The following CD274 variants were observed in gnomAD, a reference collection of about 807,000 sequenced individuals.
CD274 encodes CD274 molecule.
CD274 carries 8 observed loss-of-function variants against 30.1 expected under a neutral mutation model. The observed-to-expected ratio is 0.27, with a 90% CI of 0.16 to 0.48. CD274 has a LOEUF of 0.48. Among genes scored for constraint, CD274 ranks in the 20% least tolerant of loss-of-function variants. CD274 has a pLI of 0.99. For synonymous variants in CD274, 152 were observed against 124.6 expected (o/e 1.22, Z -1.46); for missense variants, 353 against 346.6 (o/e 1.02, Z -0.15).
chr9:5,450,969 A>T (rs532929011), intron 1 of CD274, among the ~76,000 whole-genome samples: 1 of 152,304 alleles, frequency 6.6e-6, no homozygotes, highest in South Asian at 2.1e-4. Context: ...GCTTGCTAGT[A>T]ACATGACTTG....
In CD274 at chr9:5,466,813, C is replaced by T; in HGVS notation, c.834C>T (p.Asn278=). 1.2e-6 allele frequency: 2 copies of T among 1,609,170 alleles called. No homozygotes were observed. Among genetic ancestry groups the T allele is most frequent in the African/African-American group, 1.3e-5 (1 of 74,330 alleles). The part of the protein sequence containing the change: ...DVKKCGIQDT[N]SKKQSDTHLE... The stretch of plus-strand genomic sequence containing the variant: ...AAAAATGTGGCATCCAAGATACAAA[C>T]TCAAAGAAGCAAAGTGGTAAGAATA... The change falls in exon 6 of 7, where the codon AAC becomes AAT. Residue 278 remains asparagine (N), a synonymous_variant. Transcript: ENST00000381577.
At chr9:5,462,763 G>A (rs2131222380) in intron 3 of CD274, 71 bp from the exon 4 acceptor site, 2 of 1,386,124 alleles carry the variant, frequency 1.4e-6, no homozygotes, top group East Asian at 2.3e-5. Context: ...TTTCTAATGT[G>A]GACAGCATCA....
Position 5,466,785 on chromosome 9 carries a change from T to G in CD274, c.806T>G (p.Val269Gly). ...FRLRKGRMMD[V>G]KKCGIQDTNS... ...TTTTCTCAAGGGAGAATGATGGATG[T>G]GAAAAAATGTGGCATCCAAGATACA... The change falls in exon 6 of 7, where the codon GTG (valine) becomes GGG (glycine). Residue 269 changes from valine (V) to glycine (G), a missense_variant. Physicochemically the swap from Val to Gly is moderately radical, Grantham distance 109 (BLOSUM62 -3). Transcript: ENST00000381577. The G allele has an allele frequency of 6.2e-7, 1 of 1,610,324 alleles. No homozygotes were observed. Among genetic ancestry groups the G allele is most frequent in the Non-Finnish European group, 8.5e-7 (1 of 1,178,228 alleles).
intron 3 of CD274, among the ~76,000 whole-genome samples, chr9:5,459,847 T>C (rs1463942742): frequency 6.6e-6 from 1 of 152,146 alleles, no homozygotes; most frequent in East Asian, 1.9e-4. Context: ...CCGATAAAGC[T>C]ATTTGGATCA....
intron 6 of CD274, among the ~76,000 whole-genome samples, chr9:5,467,051 A>T (rs1458337007): frequency 1.3e-5 from 2 of 152,082 alleles, no homozygotes; most frequent in African/African-American, 4.8e-5. Context: ...GTTGCCCTGC[A>T]CCCTAGCAGC....
chr9:5,459,652 G>A (rs754501883), intron 3 of CD274, among the ~76,000 whole-genome samples: 2 of 152,116 alleles, frequency 1.3e-5, no homozygotes, highest in African/African-American at 2.4e-5. Flanking sequence ...CTATCACTTC[G>A]GGTGTTATTG....
In CD274 at chr9:5,454,437, T is replaced by C. The variant is rs75107774; in HGVS notation, c.-14-1663T>C. ...ACTTTTTTTTTTCAGCAAAAGTGGA[T>C]TTCTGCTACATGTAGTGTTCTGCAA... is the stretch of plus-strand genomic sequence containing the variant. On this transcript the variant is annotated intron_variant, in intron 1 of 6. Coordinates refer to ENST00000381577, the MANE Select transcript of CD274 (RefSeq NM_014143.4). Among the ~76,000 whole-genome samples the C allele has an allele frequency of 3.4e-3, 520 of 152,262 alleles. 2 individuals are homozygous for C. The highest frequency in any genetic ancestry group is 0.012 in the African/African-American group (478 of 41,556).
At chr9:5,461,059 T>C (rs1197482656) in intron 3 of CD274, among the ~76,000 whole-genome samples, 1 of 152,210 alleles carries the variant, frequency 6.6e-6, no homozygotes, top group African/African-American at 2.4e-5. Context: ...TGCTTCACTA[T>C]CATTAGCTAA....
In CD274 at chr9:5,470,443, G is replaced by C. The variant is rs796447992; in HGVS notation, c.*2581G>C. The C allele has an allele frequency of 8.8e-6, 2 of 228,038 alleles. No individual in the cohort carries two copies. The highest frequency in any genetic ancestry group is 4.4e-5 in the African/African-American group (2 of 45,118). 14.1% of individuals were successfully genotyped at this position (228,038 alleles called of 1,614,324 possible). ...ATTCTGCATTTGATTGTCACTTTTT[G>C]TACCTGCATTAATTTAATAAAATAT... On this transcript the variant is annotated 3_prime_UTR_variant, in exon 7 of 7. Transcript: ENST00000381577.
chr9:5,453,991 T>G (rs1819253800), intron 1 of CD274, among the ~76,000 whole-genome samples: 1 of 152,248 alleles, frequency 6.6e-6, no homozygotes, highest in Non-Finnish European at 1.5e-5. Flanking sequence ...GATTTTCCCC[T>G]TCTTTTCTTA....
In CD274 at chr9:5,463,098, A is replaced by G; in HGVS notation, c.659A>G (p.His220Arg). The G allele has an allele frequency of 6.2e-7, 1 of 1,613,942 alleles. No homozygotes were observed. The highest frequency in any genetic ancestry group is 1.1e-5 in the South Asian group (1 of 91,078). The stretch of plus-strand genomic sequence containing the variant: ...AGGAGATTAGATCCTGAGGAAAACC[A>G]TACAGCTGAATTGGTCATCCCAGGT... ...TFRRLDPEEN[H>R]TAELVIPELP... The change falls in exon 4 of 7, where the codon CAT (histidine) becomes CGT (arginine). Residue 220 changes from histidine (H) to arginine (R), a missense_variant. Transcript: ENST00000381577.
intron 2 of CD274, among the ~76,000 whole-genome samples, 169 bp downstream of exon 2, chr9:5,456,334 T>C (rs1819301703): frequency 6.6e-6 from 1 of 152,230 alleles, no homozygotes; most frequent in Non-Finnish European, 1.5e-5. Flanking sequence ...TACGCAATGA[T>C]AAAGTTACCT....
At chr9:5,462,113 A>G (rs941081569) in intron 3 of CD274, among the ~76,000 whole-genome samples, 3 of 152,162 alleles carry the variant, frequency 2.0e-5, no homozygotes, top group Non-Finnish European at 4.4e-5. Context: ...TAAATTTAAA[A>G]CTTCTAAAAT....
At chr9:5,463,386 C>T (rs1276009857) in intron 4 of CD274, 2 of 452,892 alleles carry the variant, frequency 4.4e-6, no homozygotes, top group Non-Finnish European at 4.0e-6. Flanking sequence ...TAATAAGACT[C>T]AGTTCACACT....
chr9:5,457,006 A>T, intron 2 of CD274, 73 bp from the exon 3 acceptor site: 1 of 1,018,878 alleles, frequency 9.8e-7, no homozygotes, highest in Non-Finnish European at 1.5e-6. Context: ...AGTGATTTAT[A>T]AACGCTGTGC....
intron 3 of CD274, among the ~76,000 whole-genome samples, chr9:5,458,998 C>CA (rs1819355936): frequency 6.6e-6 from 1 of 152,018 alleles, no homozygotes; most frequent in Admixed American, 6.6e-5. Context: ...TTTCTGCTTC[C>CA]AAAAAAGGTC....
Position 5,468,216 on chromosome 9 carries a change from C to T in CD274, c.*354C>T. The T allele has an allele frequency of 3.1e-6, 1 of 327,142 alleles. No individual in the cohort carries two copies. Among genetic ancestry groups the T allele is most frequent in the Non-Finnish European group, 5.6e-6 (1 of 177,824 alleles). 20.3% of individuals were successfully genotyped at this position (327,142 alleles called of 1,614,324 possible). Reference sequence around the variant, plus strand: ...AGAATCCCTAATTTGAGGGTCAGTTCCTGCAGAAGTGCCCTTTGCCTCCAC... The same window carrying T: ...AGAATCCCTAATTTGAGGGTCAGTTTCTGCAGAAGTGCCCTTTGCCTCCAC... On this transcript the variant is annotated 3_prime_UTR_variant, in exon 7 of 7. Transcript: ENST00000381577.
intron 6 of CD274, 63 bp downstream of exon 6, chr9:5,466,892 C>A (rs2131233357): frequency 8.0e-7 from 1 of 1,242,924 alleles, no homozygotes; most frequent in Non-Finnish European, 1.2e-6. Flanking sequence ...AAAGCAATAA[C>A]AAAGAGAAAT....
At chr9:5,452,736 C>T (rs1055966157) in intron 1 of CD274, among the ~76,000 whole-genome samples, 1 of 152,170 alleles carries the variant, frequency 6.6e-6, no homozygotes, top group Non-Finnish European at 1.5e-5. Context: ...CATCACCCTC[C>T]AGGAAGCCTT....
Sources: allele counts gnomAD v4.1 joint callset (sites outside exome capture counted in the v4.1 genomes callset), GRCh38; gene constraint gnomAD v4.1.1; transcripts MANE v1.5; gene names NCBI Gene and HGNC (gene_info 2026-07-23, HGNC 2026-07-21).